Variants in JPT2 observed in about 807,000 individuals in gnomAD.
The protein encoded by JPT2 is Jupiter microtubule associated homolog 2, also known as CRAMP_1 like.
In JPT2, 9 loss-of-function variants were observed where a neutral mutation model predicts 15.9. The observed-to-expected ratio is 0.57, with a 90% CI of 0.34 to 0.99. The LOEUF is 0.99. Ranked by LOEUF, JPT2 falls within the 50% of genes least tolerant of loss-of-function variation. JPT2 has a pLI of 0.02. For missense variants in JPT2, 267 were observed against 252.1 expected (o/e 1.06, Z -0.40); for synonymous variants, 95 against 91.7 (o/e 1.04, Z -0.21).
Position 1,698,253 on chromosome 16 carries a change from G to A in JPT2, c.385+393G>A, listed in dbSNP as rs1053487982. ...TGTCTCCATGGTGAGTCACCCCGGG[G>A]GAGTGAGCCACTGCTCAGGTTGAGC... On this transcript the variant is annotated intron_variant, in intron 4 of 4. Transcript: ENST00000248098. This position sits in a 1 kb window ranked among gnomAD's most constrained non-coding sequence, Gnocchi z 4.9. Among the ~76,000 whole-genome samples, 3 of 152,218 alleles carry A rather than the reference G, an allele frequency of 2.0e-5. No individual in the cohort carries two copies. The highest frequency in any genetic ancestry group is 2.0e-4 in the Admixed American group (3 of 15,282).
intron 2 of JPT2, among the ~76,000 whole-genome samples, chr16:1,690,932 A>G (rs1256735527): frequency 2.0e-5 from 3 of 152,214 alleles, no homozygotes; most frequent in Non-Finnish European, 2.9e-5. Context: ...GAGTTCTTTT[A>G]TTATCCCCAT....
chr16:1,693,771 A>C (rs757753394), intron 3 of JPT2, among the ~76,000 whole-genome samples: 6 of 151,734 alleles, frequency 4.0e-5, no homozygotes, highest in Non-Finnish European at 8.8e-5. Context: ...TAAGCGTAGA[A>C]TATCTCGTAA....
chr16:1,692,214 T>C, intron 3 of JPT2: 1 of 587,936 alleles, frequency 1.7e-6, no homozygotes, highest in Non-Finnish European at 2.9e-6. Context: ...TCTGTGCTGG[T>C]GGCGGACGCC....
At chr16:1,685,152 C>A (rs1321525323) in intron 1 of JPT2, among the ~76,000 whole-genome samples, 1 of 151,940 alleles carries the variant, frequency 6.6e-6, no homozygotes, top group Non-Finnish European at 1.5e-5. Context: ...CATGGCAAAA[C>A]CCTGTCTCTA....
intron 1 of JPT2, among the ~76,000 whole-genome samples, chr16:1,678,826 C>A (rs916467821): frequency 6.6e-6 from 1 of 152,158 alleles, no homozygotes; most frequent in Admixed American, 6.5e-5. Context: ...TCTGGCCATG[C>A]CCCCGCTCCT....
At chr16:1,685,269 A>AC in intron 1 of JPT2, 170 bp from the exon 2 acceptor site, 1 of 602,524 alleles carries the variant, frequency 1.7e-6, no homozygotes, top group Non-Finnish European at 2.8e-6. Flanking sequence ...CAGAGGTTGC[A>AC]GTGAGCCAAA....
rs756637628 is a variant in JPT2, at chr16:1,691,830, A to G, written c.194-13A>G. On this transcript the variant is annotated splice_polypyrimidine_tract_variant and intron_variant, in intron 2 of 4. Transcript: ENST00000248098. The stretch of plus-strand genomic sequence containing the variant: ...ACGTCTGGTTGCTCAGTGTTCTGTG[A>G]TCGTTTCTGCAGGGGGTAAAGGAAG... The G allele has an allele frequency of 1.2e-6, 2 of 1,611,180 alleles. No individual in the cohort carries two copies. The highest frequency in any genetic ancestry group is 1.7e-6 in the Non-Finnish European group (2 of 1,178,974).
At chr16:1,693,759 A>G (rs78753726) in intron 3 of JPT2, among the ~76,000 whole-genome samples, 2,959 of 151,730 alleles carry the variant, frequency 0.02, 127 homozygotes, top group African/African-American at 0.068. Flanking sequence ...GAATATACAA[A>G]ATAAGCGTAG....
chr16:1,679,882 C>A (rs1287093180), intron 1 of JPT2, among the ~76,000 whole-genome samples: 1 of 152,018 alleles, frequency 6.6e-6, no homozygotes, highest in Non-Finnish European at 1.5e-5. Context: ...CGGTGAAACC[C>A]CGTCTCTACT....
At chr16:1,684,670 G>A (rs7500626) in intron 1 of JPT2, among the ~76,000 whole-genome samples, 14,036 of 152,142 alleles carry the variant, frequency 0.092, 718 homozygotes, top group African/African-American at 0.14. Context: ...AACCCAGGAG[G>A]CGGAGGTTGT....
At chr16:1,685,106 C>G (rs2037054734) in intron 1 of JPT2, among the ~76,000 whole-genome samples, 1 of 152,048 alleles carries the variant, frequency 6.6e-6, no homozygotes, top group Non-Finnish European at 1.5e-5. Context: ...GTGGGCAGAT[C>G]ACTTGAGCTT....
Position 1,679,649 on chromosome 16 carries a change from A to G in JPT2, c.44+1293A>G, listed in dbSNP as rs192556603. 2.7e-3 allele frequency among the ~76,000 whole-genome samples: 414 copies of G among 151,888 alleles called. 3 individuals carry two copies. The highest frequency in any genetic ancestry group is 4.8e-3 in the Non-Finnish European group (329 of 67,968). ...GAGGCAGAGGTGGCAGCGAGCCAAG[A>G]TAATGCCACTGCACTCCAGCCTGTA... On this transcript the variant is annotated intron_variant, in intron 1 of 4. Coordinates refer to ENST00000248098, the MANE Select transcript of JPT2 (RefSeq NM_144570.3).
chr16:1,691,245 C>G (rs143426321), intron 2 of JPT2, among the ~76,000 whole-genome samples: 34 of 152,306 alleles, frequency 2.2e-4, no homozygotes, highest in African/African-American at 7.7e-4. Context: ...GAAGTTACCT[C>G]TTAGACGCAC....
Position 1,699,261 on chromosome 16 carries a change from G to C in JPT2, c.*263G>C, listed in dbSNP as rs776921320. Reference sequence around the variant, plus strand: ...TCCAGGTTTGAGAGGAACTGGAAGGGGGGTGAGGGTGGGGAGGTGGGGCAG... The same window carrying C: ...TCCAGGTTTGAGAGGAACTGGAAGGCGGGTGAGGGTGGGGAGGTGGGGCAG... On this transcript the variant is annotated 3_prime_UTR_variant, in exon 5 of 5. Transcript: ENST00000248098. 10 of 617,266 alleles carry C rather than the reference G, an allele frequency of 1.6e-5. No individual in the cohort carries two copies. Among genetic ancestry groups the C allele is most frequent in the Non-Finnish European group, 1.8e-5 (6 of 330,870 alleles). The allele number at this position is 617,266 out of a possible 1,614,324, so 38.2% of individuals were successfully genotyped here.
downstream of JPT2, chr16:1,702,202 A>AC (rs1567473773): frequency 2.2e-6 from 1 of 455,276 alleles, no homozygotes; most frequent in Non-Finnish European, 4.4e-6. Flanking sequence ...AGGAGGCTCC[A>AC]CACCATTCTG....
chr16:1,691,402 C>A lies in JPT2; in HGVS notation c.194-441C>A, dbSNP rs546078992. ...TAAATATTTTCAGGATGGCAGGTTT[C>A]CCTTGAATAGGGCATGTTATTAAAT... is the stretch of plus-strand genomic sequence containing the variant. On this transcript the variant is annotated intron_variant, in intron 2 of 4. Coordinates refer to ENST00000248098, the MANE Select transcript of JPT2 (RefSeq NM_144570.3). Among the ~76,000 whole-genome samples the A allele has an allele frequency of 4.6e-5, 7 of 152,270 alleles. No individual in the cohort carries two copies. The South Asian group carries it at 1.5e-3, about 32-fold the overall frequency.
chr16:1,687,113 G>A (rs376478774), intron 2 of JPT2, among the ~76,000 whole-genome samples: 2 of 152,148 alleles, frequency 1.3e-5, no homozygotes, highest in African/African-American at 4.8e-5. Context: ...CTCCTGAGTG[G>A]CTGGGACTAC....
At chr16:1,697,939 G>A in intron 4 of JPT2, 79 bp downstream of exon 4, 1 of 1,320,054 alleles carries the variant, frequency 7.6e-7, no homozygotes, top group Admixed American at 1.8e-5. Flanking sequence ...CTCTGGGAAT[G>A]AAAAGGAGTC....
chr16:1,678,584 A>G (rs1047818343), intron 1 of JPT2, among the ~76,000 whole-genome samples: 1 of 151,744 alleles, frequency 6.6e-6, no homozygotes, highest in Non-Finnish European at 1.5e-5. Flanking sequence ...GCTGCCCGCG[A>G]CCGAGGCCGA....
Sources: gnomAD v4.1 joint callset for allele counts (sites outside exome capture counted in the v4.1 genomes callset) on GRCh38, gnomAD v4.1.1 for gene constraint, Gnocchi (gnomAD v3.1) non-coding constraint, MANE v1.5 for transcripts, NCBI Gene and HGNC (gene_info 2026-07-23, HGNC 2026-07-21) for gene names.